The following KIF19 variants were observed in gnomAD, a reference collection of about 807,000 sequenced individuals.
KIF19 encodes the protein kinesin family member 19, also known as kinesin-like protein KIF19.
Under a neutral mutation model 106.6 loss-of-function variants are expected in KIF19, and 98 were observed. That is an observed-to-expected ratio of 0.92 (90% CI 0.78 to 1.09). The LOEUF (loss-of-function observed/expected upper bound fraction) is 1.09, where lower values mean the gene tolerates loss of function less well. Ranked by LOEUF, KIF19 falls within the 50% of genes least tolerant of loss-of-function variation. KIF19 has a pLI of 0.00. For synonymous variants in KIF19, 516 were observed against 584.2 expected, an observed-to-expected ratio of 0.88 and a Z score of 1.68; for missense variants, 1,373 against 1,414.3, an observed-to-expected ratio of 0.97 and a Z score of 0.47.
intron 8 of KIF19, among the ~76,000 whole-genome samples, chr17:74,347,207 G>C (rs978631877): frequency 6.6e-6 from 1 of 152,134 alleles, no homozygotes; most frequent in Non-Finnish European, 1.5e-5. Flanking sequence ...TAGAAGCCGG[G>C]GAGGTGGGGA....
chr17:74,337,965 A>G (rs933184740), intron 2 of KIF19, among the ~76,000 whole-genome samples: 2 of 152,264 alleles, frequency 1.3e-5, no homozygotes, highest in African/African-American at 2.4e-5. Flanking sequence ...GATGGAACCC[A>G]GACAAAGCCC....
chr17:74,344,675 C>T, intron 6 of KIF19, 86 bp from the exon 7 acceptor site: 4 of 1,385,206 alleles, frequency 2.9e-6, no homozygotes, highest in Non-Finnish European at 4.0e-6. Context: ...GACATAGGAC[C>T]CTCCCTGCTA....
At chr17:74,347,690 A>G in intron 8 of KIF19, 87 bp from the exon 9 acceptor site, 1 of 1,466,678 alleles carries the variant, frequency 6.8e-7, no homozygotes, top group Non-Finnish European at 9.2e-7. Flanking sequence ...GAGAGATTGC[A>G]CTCGCCAGGG....
rs1225161458 is a variant in KIF19 at position 74,347,836 on chromosome 17, T to G, written c.984T>G (p.Ser328Arg). 1 of 1,586,812 alleles carries G rather than the reference T, an allele frequency of 6.3e-7. No homozygotes were observed. The highest frequency in any genetic ancestry group is 1.8e-5 in the Admixed American group (1 of 56,000). ...VMIAHISPAS[S>R]AFEESRNTLT... is the part of the protein sequence containing the mutation. ...TCGCTCACATCAGTCCTGCGAGCAG[T>G]GCCTTCGAGGAGTCCCGGAACACCC... Residue 328 changes from serine to arginine, a missense_variant, in exon 9 of 20, where the codon AGT (serine) becomes AGG (arginine). Physicochemically the swap from Ser to Arg is moderately radical, Grantham distance 110. This residue lies in a region of KIF19 where 1,020 missense variants were observed against 1,008.2 expected (regional missense o/e 1.01). Transcript: ENST00000389916.
At chr17:74,329,479 A>C (rs1460617055) in intron 2 of KIF19, 2 of 150,856 alleles carry the variant, frequency 1.3e-5, no homozygotes, top group African/African-American at 2.4e-5. Context: ...AAAAAAAAAA[A>C]AAACTGTGCT....
Position 74,344,904 on chromosome 17 carries a change from G to C in KIF19, c.726G>C (p.Arg242=). ...SRVKNILQEV[R]QGRLFMIDLA... is the part of the protein sequence containing the mutation. The stretch of plus-strand genomic sequence containing the variant: ...TCAAGAACATCTTGCAGGAGGTGCG[G>C]CAGGGCCGCCTGTTCATGATCGACC... Residue 242 remains arginine, a synonymous_variant, in exon 7 of 20, where the codon CGG becomes CGC. Coordinates refer to ENST00000389916, the MANE Select transcript of KIF19 (RefSeq NM_153209.4). 1.2e-6 allele frequency: 2 copies of C among 1,611,740 alleles called. No individual in the cohort carries two copies. The highest frequency in any genetic ancestry group is 1.7e-6 in the Non-Finnish European group (2 of 1,179,694).
intron 5 of KIF19, among the ~76,000 whole-genome samples, chr17:74,343,494 G>C (rs1037161043): frequency 1.8e-4 from 28 of 152,334 alleles, no homozygotes; most frequent in Admixed American, 1.6e-3. Flanking sequence ...GTGTATGTGG[G>C]TACAGTGAAA....
chr17:74,326,516 C>T (rs1298700783), intron 1 of KIF19, 128 bp downstream of exon 1: 2 of 783,616 alleles, frequency 2.6e-6, no homozygotes, highest in Non-Finnish European at 4.0e-6. Flanking sequence ...GGCCGGGACT[C>T]TTCAGAGCAA....
rs372521776 is a variant in KIF19, at chr17:74,352,931, C to T, written c.2091C>T (p.Ala697=). The change falls in exon 15 of 20, where the codon GCC becomes GCT. Residue 697 remains alanine (A), a synonymous_variant. Coordinates refer to ENST00000389916, the MANE Select transcript of KIF19 (RefSeq NM_153209.4). Reference sequence around the variant, plus strand: ...ATGCCCAGCACCTGCAGAACAGCGCCCTCCCTCCCCTCAGCACAGAGAGGT... The same window carrying T: ...ATGCCCAGCACCTGCAGAACAGCGCTCTCCCTCCCCTCAGCACAGAGAGGT... The part of the protein sequence containing the change: ...SSDAQHLQNS[A]LPPLSTESEG... The T allele has an allele frequency of 6.2e-7, 1 of 1,613,674 alleles. No homozygotes were observed. Among genetic ancestry groups the T allele is most frequent in the Admixed American group, 1.7e-5 (1 of 60,008 alleles).
rs1333391576 is a variant in KIF19 at position 74,339,700 on chromosome 17, C to G, written c.121-2176C>G. Among the ~76,000 whole-genome samples the G allele has an allele frequency of 2.0e-5, 3 of 152,210 alleles. No individual in the cohort carries two copies. The South Asian group carries it at 6.2e-4, about 31-fold the overall frequency. ...TCTCATGAAGAGCACGGTGGTGGCT[C>G]ATTTTCCCCTGGCTATCACAAGCCA... On this transcript the variant is annotated intron_variant, in intron 2 of 19. Coordinates refer to ENST00000389916, the MANE Select transcript of KIF19 (RefSeq NM_153209.4).
chr17:74,353,154 T>C (rs138255890), intron 15 of KIF19, 42 bp from the exon 16 acceptor site: 17 of 1,509,846 alleles, frequency 1.1e-5, no homozygotes, highest in Middle Eastern at 1.7e-4. Context: ...CTCGGTGAGA[T>C]AGCCTGGTCT....
Position 74,344,292 on chromosome 17 carries a change from A to G in KIF19, c.526A>G (p.Lys176Glu). ...CTACCTGGAGCTGCGGGAGGACTCT[A>G]AGGGGGTGATCCAGGTGGCCGGCAT... ...LGYLELREDS[K>E]GVIQVAGITE... The change falls in exon 6 of 20, where the codon AAG becomes GAG. Residue 176 changes from lysine to glutamate, a missense_variant. Lys to Glu is a moderately conservative substitution (Grantham distance 56). This residue lies in a region of KIF19 where 348 missense variants were observed against 389.5 expected (regional missense o/e 0.89). Transcript: ENST00000389916. 10 of 1,612,872 alleles carry G rather than the reference A, an allele frequency of 6.2e-6. No homozygotes were observed. Among genetic ancestry groups the G allele is most frequent in the Non-Finnish European group, 8.5e-6 (10 of 1,179,722 alleles).
intron 10 of KIF19, 53 bp from the exon 11 acceptor site, chr17:74,350,348 T>C: frequency 6.6e-7 from 1 of 1,512,080 alleles, no homozygotes; most frequent in Non-Finnish European, 8.9e-7. Flanking sequence ...GCCCAGGCTT[T>C]GCTAGCTGAA....
chr17:74,331,578 A>ATT lies in KIF19; in HGVS notation c.120+3085_120+3086dup, dbSNP rs5822040. Among the ~76,000 whole-genome samples the ATT allele has an allele frequency of 7.0e-4, 102 of 145,390 alleles. No homozygotes were observed. Among genetic ancestry groups the ATT allele is most frequent in the East Asian group, 3.1e-3 (15 of 4,906 alleles). On this transcript the variant is annotated intron_variant, in intron 2 of 19. Coordinates refer to ENST00000389916, the MANE Select transcript of KIF19 (RefSeq NM_153209.4). This position sits in a 1 kb window ranked among gnomAD's most constrained non-coding sequence, Gnocchi z 4.1. ...TGGGGAAGCTGGAGTTCGGATTTGG[A>ATT]TTTTTTTTTTTTTCTTGTGATGGAG...
rs1317076224 is a variant in KIF19, at chr17:74,350,388, C to T, written c.1214-13C>T. ...CCGCCTCCTCTACCTTGCCCACCCT[C>T]ACCCATCGGCAGCTGAGGTCCAGCT... On this transcript the variant is annotated splice_polypyrimidine_tract_variant and intron_variant, in intron 10 of 19. Transcript: ENST00000389916. The T allele has an allele frequency of 3.8e-6, 6 of 1,576,992 alleles. No homozygotes were observed. Among genetic ancestry groups the T allele is most frequent in the Non-Finnish European group, 5.2e-6 (6 of 1,161,670 alleles).
In KIF19 at chr17:74,328,441, G is replaced by A. The variant is rs761535250; in HGVS notation, c.56G>A (p.Arg19Gln). 13 of 1,609,974 alleles carry A rather than the reference G, an allele frequency of 8.1e-6. No individual in the cohort carries two copies. Among genetic ancestry groups the A allele is most frequent in the African/African-American group, 5.3e-5 (4 of 74,880 alleles). ...DQQLMVALRV[R>Q]PISVAELEEG... The stretch of plus-strand genomic sequence containing the variant: ...CCCTCCCAGGTGGCGCTTCGGGTCC[G>A]GCCCATCAGCGTGGCAGAGCTGGAG... The change falls in exon 2 of 20, where the codon CGG (arginine) becomes CAG (glutamine). Residue 19 changes from arginine to glutamine, a missense_variant. Arg to Gln is a conservative substitution (Grantham distance 43, BLOSUM62 1). This residue lies in a region of KIF19 where 348 missense variants were observed against 389.5 expected (regional missense o/e 0.89). Coordinates refer to ENST00000389916, the MANE Select transcript of KIF19 (RefSeq NM_153209.4).
At chr17:74,330,355 C>T (rs2054043645) in intron 2 of KIF19, among the ~76,000 whole-genome samples, 1 of 152,192 alleles carries the variant, frequency 6.6e-6, no homozygotes, top group Non-Finnish European at 1.5e-5. Context: ...AATGTACGCA[C>T]ATGCTTACCC....
Position 74,346,281 on chromosome 17 carries a change from C to T in KIF19, c.778-97C>T, listed in dbSNP as rs1239741875. 2.2e-6 allele frequency: 3 copies of T among 1,377,598 alleles called. No homozygotes were observed. The highest frequency in any genetic ancestry group is 2.5e-5 in the East Asian group (1 of 39,766). 85.3% of individuals were successfully genotyped at this position (1,377,598 alleles called of 1,614,324 possible). On this transcript the variant is annotated intron_variant, in intron 7 of 19. Transcript: ENST00000389916. The surrounding 1 kb of genome is among the most constrained non-coding windows in gnomAD (Gnocchi z 4.6). ...CCACAAGGTCCTTGGGGGTTTATTA[C>T]CCAGGATCACCAGGTCATTCATTGG...
intron 16 of KIF19, 93 bp from the exon 17 acceptor site, chr17:74,353,401 C>A (rs2144302093): frequency 6.9e-7 from 1 of 1,453,902 alleles, no homozygotes; most frequent in Non-Finnish European, 9.5e-7. Flanking sequence ...TCCCAAACGG[C>A]ACCAGCTTGA....
Sources: gnomAD v4.1 joint callset for allele counts (sites outside exome capture counted in the v4.1 genomes callset) on GRCh38, gnomAD v4.1.1 for gene constraint, gnomAD v4.1.1 regional missense constraint, Gnocchi (gnomAD v3.1) non-coding constraint, MANE v1.5 for transcripts, NCBI Gene and HGNC (gene_info 2026-07-23, HGNC 2026-07-21) for gene names.